KCTD8: variants seen among roughly 807,000 people sequenced by gnomAD.
The protein encoded by KCTD8 is BTB/POZ domain-containing protein KCTD8.
Under a neutral mutation model 31.5 loss-of-function variants are expected in KCTD8, and 27 were observed. That is an observed-to-expected ratio of 0.86 (90% confidence interval 0.63 to 1.18). KCTD8 has a LOEUF of 1.18. Ranked by LOEUF, KCTD8 falls within the 50% of genes most tolerant of loss-of-function variation. KCTD8 has a pLI of 0.00. For synonymous variants in KCTD8, 290 were observed against 280.0 expected, an observed-to-expected ratio of 1.04 and a Z score of -0.36; for missense variants, 658 against 647.7, an observed-to-expected ratio of 1.02 and a Z score of -0.17.
rs535844107 is a variant in KCTD8 at position 44,299,791 on chromosome 4, C to T, written c.962-124541G>A. ...CCTTTTCTTTTTTTTTTTTTGGAGA[C>T]GGAGTCTCACTCTGTCGCCCAGGCC... On this transcript the variant is annotated intron_variant, in intron 1 of 1. Transcript: ENST00000360029. Among the ~76,000 whole-genome samples, 11 of 133,052 alleles carry T rather than the reference C, an allele frequency of 8.3e-5. No homozygotes were observed. In the East Asian group the frequency reaches 2.0e-3, roughly 24 times the overall value. The allele number at this position is 133,052 out of a possible 152,430, so 87.3% of individuals were successfully genotyped here.
At chr4:44,418,529 G>T (rs1721133089) in intron 1 of KCTD8, among the ~76,000 whole-genome samples, 1 of 152,090 alleles carries the variant, frequency 6.6e-6, no homozygotes. Flanking sequence ...GAAAAAGCTA[G>T]GAAACTATCA....
chr4:44,358,161 C>T (rs1201348036), intron 1 of KCTD8, among the ~76,000 whole-genome samples: 1 of 151,150 alleles, frequency 6.6e-6, no homozygotes, highest in Non-Finnish European at 1.5e-5. Flanking sequence ...GTTTTCTGTT[C>T]CTGTGTTAGT....
intron 1 of KCTD8, among the ~76,000 whole-genome samples, chr4:44,341,650 T>C (rs576577610): frequency 1.1e-3 from 164 of 152,340 alleles, no homozygotes; most frequent in Non-Finnish European, 1.9e-3. Context: ...ATTCAAGTTT[T>C]ATCATTAAAC....
intron 1 of KCTD8, among the ~76,000 whole-genome samples, chr4:44,265,108 C>T (rs901608348): frequency 1.3e-5 from 2 of 152,184 alleles, no homozygotes; most frequent in Admixed American, 6.5e-5. Context: ...TCCCTGACTC[C>T]TGACCCCTGA....
At chr4:44,260,455 T>C (rs941680068) in intron 1 of KCTD8, among the ~76,000 whole-genome samples, 3 of 151,914 alleles carry the variant, frequency 2.0e-5, no homozygotes, top group Non-Finnish European at 2.9e-5. Flanking sequence ...TGTTAGGTAC[T>C]TGATAAAAAC....
intron 1 of KCTD8, among the ~76,000 whole-genome samples, chr4:44,333,709 T>C (rs373097027): frequency 1.3e-5 from 2 of 151,996 alleles, no homozygotes; most frequent in African/African-American, 2.4e-5. Flanking sequence ...GAGCTAAGAA[T>C]GTGATGTTGT....
At chr4:44,334,835 T>A (rs776948013) in intron 1 of KCTD8, among the ~76,000 whole-genome samples, 1 of 152,146 alleles carries the variant, frequency 6.6e-6, no homozygotes, top group African/African-American at 2.4e-5. Flanking sequence ...TTTTGAAAGT[T>A]TGCTCAATTG....
chr4:44,418,197 G>A (rs184082860), intron 1 of KCTD8, among the ~76,000 whole-genome samples: 6 of 152,094 alleles, frequency 3.9e-5, no homozygotes, highest in South Asian at 2.1e-4. Context: ...TTTAAAAGAC[G>A]ACAATGGAAA....
At chr4:44,234,603 CTCCATTGCATTGTACCTCTT>C (rs1380729475) in intron 1 of KCTD8, among the ~76,000 whole-genome samples, 1 of 152,148 alleles carries the variant, frequency 6.6e-6, no homozygotes. Flanking sequence ...CAGGGTATAA[CTCCATTGCATTGTACCTCTT>C]TGCTTTGACT....
intron 1 of KCTD8, among the ~76,000 whole-genome samples, chr4:44,345,796 C>G (rs1719021678): frequency 6.6e-6 from 1 of 151,822 alleles, no homozygotes; most frequent in South Asian, 2.1e-4. Flanking sequence ...TTTTTGAGTA[C>G]AAGATTTTCA....
At chr4:44,389,721 T>C (rs1284054495) in intron 1 of KCTD8, among the ~76,000 whole-genome samples, 3 of 151,864 alleles carry the variant, frequency 2.0e-5, no homozygotes, top group Non-Finnish European at 2.9e-5. Flanking sequence ...TTAAAAATAG[T>C]TCAGATGGTA....
intron 1 of KCTD8, among the ~76,000 whole-genome samples, chr4:44,197,730 G>A (rs774464249): frequency 2.0e-5 from 3 of 152,106 alleles, no homozygotes; most frequent in African/African-American, 4.8e-5. Flanking sequence ...ATCAGCCTAA[G>A]AATTCTGGCA....
intron 1 of KCTD8, among the ~76,000 whole-genome samples, chr4:44,365,301 AC>A (rs1324782477): frequency 4.6e-5 from 7 of 152,132 alleles, no homozygotes; most frequent in Non-Finnish European, 1.0e-4. Flanking sequence ...GAAAAACAGA[AC>A]TATGTCTAAC....
At chr4:44,364,452 G>A (rs144303349) in intron 1 of KCTD8, among the ~76,000 whole-genome samples, 35 of 152,178 alleles carry the variant, frequency 2.3e-4, no homozygotes, top group East Asian at 2.1e-3. Context: ...AGAATATGGC[G>A]CAACAGGAAC....
chr4:44,274,231 A>G (rs1164585863), intron 1 of KCTD8, among the ~76,000 whole-genome samples: 8 of 151,908 alleles, frequency 5.3e-5, no homozygotes, highest in Non-Finnish European at 1.2e-4. Flanking sequence ...TTAACTTTCT[A>G]ACTTTAGCAA....
chr4:44,358,410 C>G (rs1379572396), intron 1 of KCTD8, among the ~76,000 whole-genome samples: 1 of 151,978 alleles, frequency 6.6e-6, no homozygotes, highest in Non-Finnish European at 1.5e-5. Context: ...GGGTATATAC[C>G]AGTAATGGGA....
intron 1 of KCTD8, among the ~76,000 whole-genome samples, chr4:44,211,625 A>G (rs1714486326): frequency 6.6e-6 from 1 of 152,116 alleles, no homozygotes; most frequent in Non-Finnish European, 1.5e-5. Flanking sequence ...TGCTTTTGTG[A>G]ACTTTCTAAC....
Position 44,200,270 on chromosome 4 carries a change from A to G in KCTD8, c.962-25020T>C, listed in dbSNP as rs540292299. Among the ~76,000 whole-genome samples the G allele has an allele frequency of 6.1e-4, 93 of 152,174 alleles. 1 individual carries two copies. In the South Asian group the frequency reaches 0.018, roughly 30 times the overall value. ...TACCAATCATACTGAAACTATTCCAAAATACCAAGAAGGAGGGGCTCCTCC... is the reference window on the plus strand; with the variant it reads ...TACCAATCATACTGAAACTATTCCAGAATACCAAGAAGGAGGGGCTCCTCC... On this transcript the variant is annotated intron_variant, in intron 1 of 1. Coordinates refer to ENST00000360029, the MANE Select transcript of KCTD8 (RefSeq NM_198353.3).
chr4:44,305,602 T>C (rs1275536297), intron 1 of KCTD8, among the ~76,000 whole-genome samples: 1 of 151,890 alleles, frequency 6.6e-6, no homozygotes, highest in Non-Finnish European at 1.5e-5. Context: ...CCTATTGTTA[T>C]ACTAAGTGAT....
Sources: gnomAD v4.1 joint callset for allele counts (sites outside exome capture counted in the v4.1 genomes callset) on GRCh38, gnomAD v4.1.1 for gene constraint, MANE v1.5 for transcripts, NCBI Gene and HGNC (gene_info 2026-07-23, HGNC 2026-07-21) for gene names.